Variants in CAST observed in about 807,000 individuals in gnomAD.
CAST encodes MIR583 host.
In CAST, 76 loss-of-function variants were observed where a neutral mutation model predicts 119.6. That is an observed-to-expected ratio of 0.64 (90% confidence interval 0.53 to 0.77). The LOEUF (loss-of-function observed/expected upper bound fraction) is 0.77. Ranked by LOEUF, CAST falls within the 30% of genes least tolerant of loss-of-function variation. The pLI, the probability that CAST is intolerant of heterozygous loss-of-function variation, is 0.00. For synonymous variants in CAST, 319 were observed against 331.6 expected, an observed-to-expected ratio of 0.96 and a Z score of 0.41; for missense variants, 953 against 946.5, an observed-to-expected ratio of 1.01 and a Z score of -0.09.
upstream of CAST, among the ~76,000 whole-genome samples, chr5:96,526,577 T>A (rs155211): frequency 0.7 from 106,270 of 151,844 alleles, 37,690 homozygotes; most frequent in South Asian, 0.83. Context: ...CAATTTCCTT[T>A]ACTTCAATAT....
At chr5:96,140,358 C>A in the CAST span, among the ~76,000 whole-genome samples, 1 of 152,200 alleles carries the variant, frequency 6.6e-6, no homozygotes, top group Non-Finnish European at 1.5e-5. Context: ...AATTGCTTAA[C>A]CTTTCTTGAT....
At chr5:96,272,370 C>A in the CAST span, among the ~76,000 whole-genome samples, 1 of 152,068 alleles carries the variant, frequency 6.6e-6, no homozygotes, top group Non-Finnish European at 1.5e-5. Flanking sequence ...GGGAAGTGCC[C>A]ACCCAGGGAT....
the CAST span, among the ~76,000 whole-genome samples, chr5:96,102,276 C>A: frequency 6.6e-6 from 1 of 152,030 alleles, no homozygotes; most frequent in Admixed American, 6.6e-5. Flanking sequence ...TAGAAGGGAG[C>A]AGGAGAGGGG....
At chr5:96,664,980 T>A (rs1749133074) in intron 1 of CAST, among the ~76,000 whole-genome samples, 1 of 152,238 alleles carries the variant, frequency 6.6e-6, no homozygotes, top group Admixed American at 6.5e-5. Flanking sequence ...CATGATTCTC[T>A]CAAGGAAACT....
At chr5:96,520,076 A>G in the CAST span, among the ~76,000 whole-genome samples, 1 of 152,218 alleles carries the variant, frequency 6.6e-6, no homozygotes, top group East Asian at 1.9e-4. Flanking sequence ...CTGATGTCCA[A>G]GATCCCCTCC....
chr5:96,236,696 G>A, the CAST span, among the ~76,000 whole-genome samples: 1 of 152,032 alleles, frequency 6.6e-6, no homozygotes, highest in Admixed American at 6.6e-5. Context: ...CCCAAATATT[G>A]CATGTTTCAG....
chr5:96,431,728 G>C, the CAST span, among the ~76,000 whole-genome samples: 1 of 152,090 alleles, frequency 6.6e-6, no homozygotes, highest in African/African-American at 2.4e-5. Flanking sequence ...TTCCCCAGAG[G>C]GTTCGGTCTA....
chr5:96,447,614 A>G, the CAST span, among the ~76,000 whole-genome samples: 1 of 152,236 alleles, frequency 6.6e-6, no homozygotes, highest in Non-Finnish European at 1.5e-5. Context: ...TGACTGAGGA[A>G]TAATTTGACT....
chr5:96,473,747 G>A, the CAST span, among the ~76,000 whole-genome samples: 1 of 152,212 alleles, frequency 6.6e-6, no homozygotes, highest in African/African-American at 2.4e-5. Flanking sequence ...GAGAGACTTA[G>A]GAGGTGAGTA....
At chr5:96,763,834 A>G (rs1177309882) in intron 25 of CAST, among the ~76,000 whole-genome samples, 1 of 152,332 alleles carries the variant, frequency 6.6e-6, no homozygotes, top group East Asian at 1.9e-4. Flanking sequence ...GCTTCAAAGA[A>G]AATAGAAGAT....
At chr5:96,429,260 G>C in the CAST span, 9 of 1,604,254 alleles carry the variant, frequency 5.6e-6, no homozygotes, top group South Asian at 9.9e-5. Context: ...GCACTCCTTC[G>C]AGACCTTCTG....
At chr5:96,252,692 G>A in the CAST span, among the ~76,000 whole-genome samples, 1 of 152,128 alleles carries the variant, frequency 6.6e-6, no homozygotes, top group Non-Finnish European at 1.5e-5. Context: ...TATATATGAA[G>A]TTGTATTATA....
intron 4 of CAST, among the ~76,000 whole-genome samples, chr5:96,723,444 A>G (rs1758668877): frequency 6.6e-6 from 1 of 152,256 alleles, no homozygotes. Context: ...CTAAATGAAC[A>G]TAAAAATATA....
At chr5:96,372,571 G>A in the CAST span, among the ~76,000 whole-genome samples, 1 of 152,178 alleles carries the variant, frequency 6.6e-6, no homozygotes, top group Non-Finnish European at 1.5e-5. Context: ...ATGGGACTTA[G>A]GCAGAGAACA....
chr5:96,039,514 G>A, the CAST span, among the ~76,000 whole-genome samples: 21 of 152,026 alleles, frequency 1.4e-4, no homozygotes, highest in East Asian at 9.6e-4. Context: ...TAGGTCTTAC[G>A]TTTAAGTCTT....
the CAST span, among the ~76,000 whole-genome samples, chr5:96,479,450 C>CTTTTTTTTTTTTTTTTTTTTTTTTTT: frequency 8.7e-6 from 1 of 115,298 alleles, no homozygotes; most frequent in Admixed American, 8.7e-5. Context: ...CCAGGCACTC[C>CTTTTTTTTTTTTTTTTTTTTTTTTTT]TTATTTTTTT....
At position 96,557,262 on chromosome 5, in the gene CAST, A is replaced by T. The variant is rs1746261339; in HGVS notation, c.60+27382A>T. ...ACCAGCCACTGCAAAAACATGCCAAATTGTAAAGACTATCGATGCTAGGAA... is the reference window on the plus strand; with the variant it reads ...ACCAGCCACTGCAAAAACATGCCAATTTGTAAAGACTATCGATGCTAGGAA... On this transcript the variant is annotated intron_variant, in intron 1 of 11. Transcript: ENST00000505143. Among the ~76,000 whole-genome samples the T allele has an allele frequency of 2.0e-5, 3 of 152,228 alleles. No homozygotes were observed. In the South Asian group the frequency reaches 6.2e-4, roughly 32 times the overall value.
chr5:96,380,461 G>A, the CAST span, among the ~76,000 whole-genome samples: 5 of 152,102 alleles, frequency 3.3e-5, no homozygotes, highest in Admixed American at 1.3e-4. Flanking sequence ...TGTTTGAGTT[G>A]CAAACTGAAC....
the CAST span, among the ~76,000 whole-genome samples, chr5:96,495,412 T>A: frequency 6.6e-6 from 1 of 151,822 alleles, no homozygotes; most frequent in Admixed American, 6.6e-5. Context: ...ATGCTCTCCC[T>A]CCTCTTTCCC....
Sources: allele counts gnomAD v4.1 joint callset (sites outside exome capture counted in the v4.1 genomes callset), GRCh38; gene constraint gnomAD v4.1.1; transcripts MANE v1.5; gene names NCBI Gene and HGNC (gene_info 2026-07-23, HGNC 2026-07-21).